Variants in CAPN5 observed in about 807,000 individuals in gnomAD.
The protein encoded by CAPN5 is calpain 5, also known as calpain-5.
In CAPN5, 54 loss-of-function variants were observed where a neutral mutation model predicts 73.0. The ratio of observed to expected loss-of-function variants is 0.74; its 90% CI spans 0.59 to 0.93. The LOEUF (loss-of-function observed/expected upper bound fraction) is 0.93. CAPN5 is among the 40% of genes least tolerant of loss of function. CAPN5 has a pLI of 0.00. For missense variants in CAPN5, 785 were observed against 882.9 expected, an observed-to-expected ratio of 0.89 and a Z score of 1.41; for synonymous variants, 335 against 356.9, an observed-to-expected ratio of 0.94 and a Z score of 0.69.
chr11:77,122,596 A>G lies in CAPN5; in HGVS notation c.1624A>G (p.Ile542Val). 1 of 1,609,832 alleles carries G rather than the reference A, an allele frequency of 6.2e-7. No individual in the cohort carries two copies. Residue 542 changes from isoleucine to valine, a missense_variant, in exon 12 of 13, where the codon ATC (isoleucine) becomes GTC (valine). Ile to Val is a conservative substitution (Grantham distance 29). Transcript: ENST00000648180. ...SPTGANSYVI[I>V]KCEGDKVRSA... is the part of the protein sequence containing the mutation. The stretch of plus-strand genomic sequence containing the variant: ...CCTAGGGGCTAACTCTTATGTGATC[A>G]TCAAGTGTGAGGGAGACAAAGTCCG...
rs532434619 is a variant in CAPN5 at position 77,072,536 on chromosome 11, C to T, written c.-36+5442C>T. Among the ~76,000 whole-genome samples the T allele has an allele frequency of 2.0e-5, 3 of 152,244 alleles. No homozygotes were observed. In the East Asian group the frequency reaches 5.8e-4, roughly 29 times the overall value. On this transcript the variant is annotated intron_variant, in intron 1 of 12. Coordinates refer to ENST00000648180, the MANE Select transcript of CAPN5 (RefSeq NM_004055.5). ...CAGGGCTGGAGAGTGGGTCACTGCC[C>T]GAGGGAGGGGTGGTGGGCCAGGCTG...
chr11:77,106,019 C>G (rs1219702215), intron 3 of CAPN5, among the ~76,000 whole-genome samples: 1 of 152,132 alleles, frequency 6.6e-6, no homozygotes, highest in Non-Finnish European at 1.5e-5. Flanking sequence ...GAGATGGGCC[C>G]CACCCACCTG....
intron 1 of CAPN5, among the ~76,000 whole-genome samples, chr11:77,076,728 T>C (rs1949972868): frequency 6.6e-6 from 1 of 152,234 alleles, no homozygotes; most frequent in African/African-American, 2.4e-5. Context: ...TGTATTACAT[T>C]GTATGTATAT....
At chr11:77,120,035 A>C (rs1479580673) in intron 9 of CAPN5, 1 of 152,116 alleles carries the variant, frequency 6.6e-6, no homozygotes, top group African/African-American at 2.4e-5. Flanking sequence ...GGGGATTCCT[A>C]TTGCCCTCTA....
intron 7 of CAPN5, among the ~76,000 whole-genome samples, chr11:77,116,795 C>A (rs1037485470): frequency 6.6e-6 from 1 of 152,228 alleles, no homozygotes; most frequent in African/African-American, 2.4e-5. Context: ...GAGGAACTAG[C>A]TTCTAAGCTG....
chr11:77,116,324 G>A, intron 7 of CAPN5, 21 bp downstream of exon 7: 1 of 1,600,872 alleles, frequency 6.2e-7, no homozygotes, highest in Non-Finnish European at 8.5e-7. Context: ...ATGTGCCCTG[G>A]GCGTCCGGGG....
chr11:77,112,732 C>T lies in CAPN5; in HGVS notation c.441C>T (p.Leu147=). The change falls in exon 4 of 13, where the codon CTC becomes CTT. Residue 147 remains leucine (L), a synonymous_variant. Transcript: ENST00000648180. ...DDRLPTVNNQ[L]IYCHSNSRNE... Reference sequence around the variant, plus strand: ...GGCTGCCCACAGTCAACAACCAGCTCATCTACTGCCACTCCAACTCCCGCA... The same window carrying T: ...GGCTGCCCACAGTCAACAACCAGCTTATCTACTGCCACTCCAACTCCCGCA... 6.2e-7 allele frequency: 1 copy of T among 1,614,260 alleles called. No individual in the cohort carries two copies. Among genetic ancestry groups the T allele is most frequent in the South Asian group, 1.1e-5 (1 of 91,088 alleles).
At chr11:77,105,786 C>T (rs1264187848) in intron 3 of CAPN5, among the ~76,000 whole-genome samples, 1 of 152,218 alleles carries the variant, frequency 6.6e-6, no homozygotes, top group African/African-American at 2.4e-5. Context: ...GCCCCAAGGC[C>T]ACGTGACTTC....
intron 3 of CAPN5, among the ~76,000 whole-genome samples, chr11:77,096,811 C>CA (rs1307048407): frequency 1.3e-5 from 2 of 151,536 alleles, no homozygotes; most frequent in Non-Finnish European, 2.9e-5. Context: ...AGCTCCTGGC[C>CA]AAAAAAAAGC....
chr11:77,101,305 C>T (rs962617038), intron 3 of CAPN5, among the ~76,000 whole-genome samples: 6 of 152,168 alleles, frequency 3.9e-5, no homozygotes, highest in African/African-American at 1.2e-4. Context: ...AAATAAAAAG[C>T]AGAATGTGGT....
chr11:77,068,749 A>T (rs1197011905), intron 1 of CAPN5, among the ~76,000 whole-genome samples: 1 of 151,898 alleles, frequency 6.6e-6, no homozygotes, highest in Non-Finnish European at 1.5e-5. Context: ...GACCCTGATA[A>T]AGTTTCCCAG....
At chr11:77,067,902 G>A (rs1555032406) in intron 1 of CAPN5, among the ~76,000 whole-genome samples, 1 of 152,080 alleles carries the variant, frequency 6.6e-6, no homozygotes, top group Admixed American at 6.5e-5. Context: ...GCACAGAGAA[G>A]CGAAGTCAGC....
At chr11:77,103,382 C>T in intron 3 of CAPN5, 1 of 1,552,338 alleles carries the variant, frequency 6.4e-7, no homozygotes, top group Non-Finnish European at 8.7e-7. Context: ...CTCTCCCCTG[C>T]CCCTGCCACT....
In CAPN5 at chr11:77,115,588, C is replaced by T. The variant is rs566712391; in HGVS notation, c.893C>T (p.Thr298Ile). Residue 298 changes from threonine to isoleucine, a missense_variant and splice_region_variant, in exon 6 of 13, where the codon ACC (threonine) becomes ATC (isoleucine). Coordinates refer to ENST00000648180, the MANE Select transcript of CAPN5 (RefSeq NM_004055.5). The stretch of plus-strand genomic sequence containing the variant: ...GAGTGGAACGGGCCCTGGAGTGACA[C>T]GTGAGGCCTGGGGATGGGGGTGCAG... ...EREWNGPWSD[T>I]SEEWQKVSKS... is the part of the protein sequence containing the mutation. 2.4e-5 allele frequency: 39 copies of T among 1,605,216 alleles called. No individual in the cohort carries two copies. The East Asian group carries it at 4.5e-4, about 18-fold the overall frequency.
chr11:77,075,557 G>T (rs1949960823), intron 1 of CAPN5, among the ~76,000 whole-genome samples: 1 of 152,204 alleles, frequency 6.6e-6, no homozygotes, highest in African/African-American at 2.4e-5. Flanking sequence ...CTTTAGGTCA[G>T]CCCACCTAGG....
chr11:77,088,070 C>G (rs1216487637), intron 2 of CAPN5: 3 of 1,527,698 alleles, frequency 2.0e-6, no homozygotes, highest in Non-Finnish European at 2.6e-6. Flanking sequence ...TGGTAGGCGG[C>G]CTCCTGTCAC....
chr11:77,100,117 G>T (rs1418238082), intron 3 of CAPN5, among the ~76,000 whole-genome samples: 1 of 152,196 alleles, frequency 6.6e-6, no homozygotes, highest in African/African-American at 2.4e-5. Context: ...GATTACAGGC[G>T]TGAGCCACTG....
chr11:77,104,985 A>G (rs984415773), intron 3 of CAPN5, among the ~76,000 whole-genome samples: 1 of 152,012 alleles, frequency 6.6e-6, no homozygotes, highest in African/African-American at 2.4e-5. Context: ...TCTGGGGCCC[A>G]TTCCGGGACA....
chr11:77,104,542 G>A (rs1950322958), intron 3 of CAPN5, among the ~76,000 whole-genome samples: 1 of 152,150 alleles, frequency 6.6e-6, no homozygotes, highest in African/African-American at 2.4e-5. Flanking sequence ...AAACAGATGG[G>A]GAAACTGAGG....
Sources: gnomAD v4.1 joint callset for allele counts (sites outside exome capture counted in the v4.1 genomes callset) on GRCh38, gnomAD v4.1.1 for gene constraint, MANE v1.5 for transcripts, NCBI Gene and HGNC (gene_info 2026-07-23, HGNC 2026-07-21) for gene names.